The following ABCD3 variants were observed in gnomAD, a reference collection of about 807,000 sequenced individuals.
The protein encoded by ABCD3 is ATP-binding cassette sub-family D member 3.
Under a neutral mutation model 105.5 loss-of-function variants are expected in ABCD3, and 41 were observed. The ratio of observed to expected loss-of-function variants is 0.39; its 90% CI spans 0.30 to 0.50. The LOEUF (loss-of-function observed/expected upper bound fraction) is 0.50, where lower values mean the gene tolerates loss of function less well. Among genes scored for constraint, ABCD3 ranks in the 20% least tolerant of loss-of-function variants. ABCD3 has a pLI of 0.84. For missense variants in ABCD3, 622 were observed against 806.3 expected, an observed-to-expected ratio of 0.77 and a Z score of 2.77; for synonymous variants, 258 against 269.0, an observed-to-expected ratio of 0.96 and a Z score of 0.40.
At chr1:94,467,782 TA>T in intron 3 of ABCD3, 136 bp from the exon 4 acceptor site, 1 of 656,056 alleles carries the variant, frequency 1.5e-6, no homozygotes, top group South Asian at 1.8e-5. Context: ...AAATTACTTA[TA>T]GAAAAAATGT....
chr1:94,474,112 G>A (rs1400344847), intron 5 of ABCD3, among the ~76,000 whole-genome samples: 1 of 148,178 alleles, frequency 6.7e-6, no homozygotes, highest in African/African-American at 2.5e-5. Flanking sequence ...TTAACCTTCA[G>A]TCCAGGTTTT....
At chr1:94,447,536 G>T (rs1055496099) in intron 1 of ABCD3, among the ~76,000 whole-genome samples, 1 of 152,214 alleles carries the variant, frequency 6.6e-6, no homozygotes, top group African/African-American at 2.4e-5. Flanking sequence ...GGAAAGTGTT[G>T]CCACAGGGCA....
In ABCD3 at chr1:94,418,575, C is replaced by T; in HGVS notation, c.97C>T (p.Leu33Phe). ...CCTGCTCCACAAGCGGCGCCGCGCC[C>T]TCGGCCTGCACGGGTAAGAAGGCCC... ...LCLLHKRRRA[L>F]GLHGKKSGKP... is the part of the protein sequence containing the mutation. The change falls in exon 1 of 23, where the codon CTC becomes TTC. Residue 33 changes from leucine (L) to phenylalanine (F), a missense_variant. This residue lies in a region of ABCD3 where 89 missense variants were observed against 77.5 expected (regional missense o/e 1.15). Transcript: ENST00000370214. 3 of 1,599,004 alleles carry T rather than the reference C, an allele frequency of 1.9e-6. No individual in the cohort carries two copies. Among genetic ancestry groups the T allele is most frequent in the Non-Finnish European group, 1.7e-6 (2 of 1,177,674 alleles).
At chr1:94,458,442 T>C (rs1014192316) in intron 1 of ABCD3, among the ~76,000 whole-genome samples, 165 bp from the exon 2 acceptor site, 5 of 152,240 alleles carry the variant, frequency 3.3e-5, no homozygotes, top group African/African-American at 4.8e-5. Flanking sequence ...TAATGCCTAG[T>C]AAGAGTCAGG....
chr1:94,447,995 A>T (rs1426843966), intron 1 of ABCD3, among the ~76,000 whole-genome samples: 2 of 152,332 alleles, frequency 1.3e-5, no homozygotes, highest in East Asian at 3.9e-4. Context: ...AAGCTGAGGC[A>T]GAGCTTCAGC....
Position 94,467,965 on chromosome 1 carries a change from A to G in ABCD3, c.293A>G (p.Tyr98Cys), listed in dbSNP as rs11558249. 1 of 1,613,462 alleles carries G rather than the reference A, an allele frequency of 6.2e-7. No individual in the cohort carries two copies. Among genetic ancestry groups the G allele is most frequent in the Admixed American group, 1.7e-5 (1 of 59,978 alleles). ...LIAVMLVSRT[Y>C]CDVWMIQNGT... ...GCTGTTATGCTGGTGTCTCGAACAT[A>G]TTGTGATGTTTGGATGATTCAAAAT... The change falls in exon 4 of 23, where the codon TAT becomes TGT. Residue 98 changes from tyrosine to cysteine, a missense_variant. This residue lies in a region of ABCD3 where 245 missense variants were observed against 356.4 expected (regional missense o/e 0.69). Coordinates refer to ENST00000370214, the MANE Select transcript of ABCD3 (RefSeq NM_002858.4).
At chr1:94,389,633 G>A in the ABCD3 span, among the ~76,000 whole-genome samples, 9 of 152,128 alleles carry the variant, frequency 5.9e-5, no homozygotes, top group Admixed American at 5.2e-4. Flanking sequence ...TCTCTGTTCC[G>A]GCCTCTCAGC....
chr1:94,445,613 G>A (rs1353030431), intron 1 of ABCD3, among the ~76,000 whole-genome samples: 3 of 152,114 alleles, frequency 2.0e-5, no homozygotes, highest in African/African-American at 4.8e-5. Context: ...TCCTTATTTT[G>A]AAGAAAAGGA....
At chr1:94,450,511 G>A (rs961873281) in intron 1 of ABCD3, among the ~76,000 whole-genome samples, 2 of 152,260 alleles carry the variant, frequency 1.3e-5, no homozygotes, top group African/African-American at 4.8e-5. Flanking sequence ...AATAGCATGA[G>A]CGATCTGTGC....
chr1:94,431,191 A>G (rs1370051525), intron 1 of ABCD3, among the ~76,000 whole-genome samples: 1 of 152,226 alleles, frequency 6.6e-6, no homozygotes, highest in Non-Finnish European at 1.5e-5. Flanking sequence ...TCTTTAGTTT[A>G]TCTTGGAGGT....
chr1:94,402,160 T>C, the ABCD3 span, among the ~76,000 whole-genome samples: 1 of 152,370 alleles, frequency 6.6e-6, no homozygotes. Flanking sequence ...TGTTTCATTG[T>C]CTGGATATAC....
intron 1 of ABCD3, among the ~76,000 whole-genome samples, chr1:94,457,071 T>C (rs1307810381): frequency 6.6e-6 from 1 of 152,220 alleles, no homozygotes; most frequent in Non-Finnish European, 1.5e-5. Flanking sequence ...TTTGGGTCCT[T>C]TGCTCGTTTT....
At position 94,418,455 on chromosome 1, in the gene ABCD3, C is replaced by T. The variant is rs1474654430; in HGVS notation, c.-24C>T. The T allele has an allele frequency of 5.1e-6, 8 of 1,572,464 alleles. No individual in the cohort carries two copies. The highest frequency in any genetic ancestry group is 1.7e-5 in the Admixed American group (1 of 57,576). Reference sequence around the variant, plus strand: ...CGCCGCCGCCGCCGCGTCCCCTCGCCGGCTCGCTGGTACCGGCAGTGCCAT... The same window carrying T: ...CGCCGCCGCCGCCGCGTCCCCTCGCTGGCTCGCTGGTACCGGCAGTGCCAT... On this transcript the variant is annotated 5_prime_UTR_variant, in exon 1 of 23. Coordinates refer to ENST00000370214, the MANE Select transcript of ABCD3 (RefSeq NM_002858.4).
intron 1 of ABCD3, 132 bp downstream of exon 1, chr1:94,418,720 C>A: frequency 1.1e-6 from 1 of 895,556 alleles, no homozygotes; most frequent in Non-Finnish European, 1.7e-6. Context: ...CCGCGACTGC[C>A]GTGGGACTTC....
intron 1 of ABCD3, 61 bp from the exon 2 acceptor site, chr1:94,458,546 A>G: frequency 6.9e-7 from 1 of 1,451,918 alleles, no homozygotes; most frequent in South Asian, 1.2e-5. Flanking sequence ...TCTTAAAATC[A>G]TCTTAATGAT....
chr1:94,500,929 G>C (rs915870297), intron 20 of ABCD3, among the ~76,000 whole-genome samples: 10 of 152,118 alleles, frequency 6.6e-5, no homozygotes, highest in African/African-American at 2.4e-4. Flanking sequence ...TTTAGAAGAT[G>C]ACTATAGAAA....
At chr1:94,435,208 T>C (rs934162474) in intron 1 of ABCD3, among the ~76,000 whole-genome samples, 1 of 152,176 alleles carries the variant, frequency 6.6e-6, no homozygotes, top group African/African-American at 2.4e-5. Flanking sequence ...TTGTTTTTTT[T>C]CCACTTCCTA....
intron 8 of ABCD3, among the ~76,000 whole-genome samples, chr1:94,479,568 T>C (rs776231037): frequency 6.6e-6 from 1 of 152,122 alleles, no homozygotes; most frequent in Admixed American, 6.6e-5. Context: ...CAAACAATTA[T>C]GATGCAGCAT....
At chr1:94,434,449 A>T (rs367774045) in intron 1 of ABCD3, among the ~76,000 whole-genome samples, 116 of 152,316 alleles carry the variant, frequency 7.6e-4, no homozygotes, top group African/African-American at 2.3e-3. Context: ...TCAAGCATTA[A>T]GTACTGTACC....
Sources: gnomAD v4.1 joint callset for allele counts (sites outside exome capture counted in the v4.1 genomes callset) on GRCh38, gnomAD v4.1.1 for gene constraint, gnomAD v4.1.1 regional missense constraint, MANE v1.5 for transcripts, NCBI Gene and HGNC (gene_info 2026-07-23, HGNC 2026-07-21) for gene names.